PHACTR1: variants seen among roughly 807,000 people sequenced by gnomAD.
PHACTR1 encodes the protein phosphatase and actin regulator 1.
A neutral mutation model predicts 69.2 loss-of-function variants in PHACTR1; 16 were observed. That is an observed-to-expected ratio of 0.23 (90% CI 0.16 to 0.35). The LOEUF (loss-of-function observed/expected upper bound fraction) is 0.35, where lower values mean the gene tolerates loss of function less well. Ranked by LOEUF, PHACTR1 falls within the 10% of genes least tolerant of loss-of-function variation. The pLI, the probability that PHACTR1 is intolerant of heterozygous loss-of-function variation, is 1.00. For missense variants in PHACTR1, 510 were observed against 734.7 expected, an observed-to-expected ratio of 0.69 and a Z score of 3.54; for synonymous variants, 312 against 284.5, an observed-to-expected ratio of 1.10 and a Z score of -0.97.
chr6:13,025,616 C>G (rs539074982), intron 4 of PHACTR1, among the ~76,000 whole-genome samples: 1 of 150,776 alleles, frequency 6.6e-6, no homozygotes, highest in South Asian at 2.1e-4. Context: ...AAGACGACAT[C>G]TAATAGAATA....
intron 5 of PHACTR1, among the ~76,000 whole-genome samples, chr6:13,070,415 G>C (rs980346655): frequency 6.6e-6 from 1 of 152,174 alleles, no homozygotes; most frequent in African/African-American, 2.4e-5. Context: ...CAGCGCCCCA[G>C]CAGTCCTCTG....
chr6:12,771,054 G>T (rs1333560940), intron 4 of PHACTR1, among the ~76,000 whole-genome samples: 1 of 152,212 alleles, frequency 6.6e-6, no homozygotes, highest in Non-Finnish European at 1.5e-5. Flanking sequence ...GCTGGACAAG[G>T]CAGGGCCCCA....
intron 5 of PHACTR1, among the ~76,000 whole-genome samples, chr6:13,152,294 A>T (rs1019576992): frequency 6.6e-6 from 1 of 151,966 alleles, no homozygotes; most frequent in African/African-American, 2.4e-5. Context: ...AGATCGAGCC[A>T]TTGCACTCCA....
At chr6:12,959,424 A>G (rs1792396826) in intron 4 of PHACTR1, among the ~76,000 whole-genome samples, 1 of 152,014 alleles carries the variant, frequency 6.6e-6, no homozygotes, top group South Asian at 2.1e-4. Context: ...TGCTCAACAA[A>G]CAAAACTAAA....
At chr6:13,083,441 T>C (rs1405807277) in intron 5 of PHACTR1, among the ~76,000 whole-genome samples, 3 of 152,064 alleles carry the variant, frequency 2.0e-5, no homozygotes, top group Admixed American at 6.6e-5. Flanking sequence ...CTTTTTTGGT[T>C]CCATATGAAC....
chr6:12,754,104 A>C (rs1336537987), intron 4 of PHACTR1, among the ~76,000 whole-genome samples: 1 of 147,884 alleles, frequency 6.8e-6, no homozygotes, highest in Non-Finnish European at 1.5e-5. Flanking sequence ...CTGGGACTAC[A>C]GGCACCTGCC....
intron 4 of PHACTR1, among the ~76,000 whole-genome samples, chr6:12,870,582 A>G (rs1201357708): frequency 6.6e-6 from 1 of 152,242 alleles, no homozygotes; most frequent in African/African-American, 2.4e-5. Context: ...AGGCACATCT[A>G]TAATTGCACA....
At chr6:13,149,819 T>C (rs1460366130) in intron 5 of PHACTR1, among the ~76,000 whole-genome samples, 1 of 138,018 alleles carries the variant, frequency 7.2e-6, no homozygotes, top group Non-Finnish European at 1.5e-5. Flanking sequence ...AGTTACGAGA[T>C]TTTTTTTTGC....
At chr6:13,282,451 T>C (rs1780496242) in intron 12 of PHACTR1, among the ~76,000 whole-genome samples, 1 of 152,194 alleles carries the variant, frequency 6.6e-6, no homozygotes, top group African/African-American at 2.4e-5. Context: ...CCCTCATTCC[T>C]GCAGTCCTTC....
chr6:13,280,893 C>T, intron 12 of PHACTR1: 3 of 1,220,886 alleles, frequency 2.5e-6, no homozygotes, highest in Non-Finnish European at 3.2e-6. Context: ...AAAGGTGCGT[C>T]TTCTGAGCCT....
intron 5 of PHACTR1, among the ~76,000 whole-genome samples, chr6:13,121,965 A>G (rs1446635101): frequency 6.6e-6 from 1 of 152,250 alleles, no homozygotes; most frequent in Non-Finnish European, 1.5e-5. Context: ...ATATGCGTAT[A>G]TAAGTATGTA....
At chr6:13,169,607 G>A (rs1190235102) in intron 6 of PHACTR1, among the ~76,000 whole-genome samples, 1 of 152,130 alleles carries the variant, frequency 6.6e-6, no homozygotes, top group East Asian at 1.9e-4. Context: ...CATTATGGAA[G>A]CCAACACAAG....
intron 4 of PHACTR1, among the ~76,000 whole-genome samples, chr6:12,983,999 A>G (rs550585135): frequency 5.9e-5 from 9 of 152,330 alleles, no homozygotes; most frequent in South Asian, 2.1e-4. Flanking sequence ...TAGTGCTGCA[A>G]TAAACATACA....
Position 12,718,661 on chromosome 6 carries a change from C to T in PHACTR1, c.-46-38C>T, listed in dbSNP as rs1039938902. On this transcript the variant is annotated intron_variant, in intron 2 of 14. Coordinates refer to ENST00000332995, the MANE Select transcript of PHACTR1 (RefSeq NM_030948.6). ...ATCTATATATACACTTTATACTTGA[C>T]GTCTAAAATATTGTGGATTTTTTTT... 5.6e-5 allele frequency: 33 copies of T among 587,572 alleles called. No individual in the cohort carries two copies. In the Admixed American group the frequency reaches 6.2e-4, roughly 11 times the overall value. The allele number at this position is 587,572 out of a possible 1,614,324, so 36.4% of individuals were successfully genotyped here. A position where few individuals can be genotyped will look rare whatever the true frequency, so the allele number is the denominator to read the frequency against.
chr6:12,802,879 T>G (rs1400494602), intron 4 of PHACTR1, among the ~76,000 whole-genome samples: 1 of 152,198 alleles, frequency 6.6e-6, no homozygotes, highest in African/African-American at 2.4e-5. Context: ...TGACTGCAAG[T>G]TTTGAGTTTG....
chr6:13,097,616 A>G (rs1814485270), intron 5 of PHACTR1, among the ~76,000 whole-genome samples: 1 of 152,206 alleles, frequency 6.6e-6, no homozygotes, highest in Non-Finnish European at 1.5e-5. Context: ...AGCCTGTCAT[A>G]GAGCAGTTAA....
chr6:12,824,279 A>G (rs1020142413), intron 4 of PHACTR1, among the ~76,000 whole-genome samples: 34 of 152,342 alleles, frequency 2.2e-4, no homozygotes, highest in African/African-American at 8.2e-4. Flanking sequence ...CAAGAAAGCA[A>G]GCTCAGCGCC....
intron 4 of PHACTR1, among the ~76,000 whole-genome samples, chr6:12,836,328 T>A (rs754854897): frequency 6.6e-5 from 10 of 152,178 alleles, no homozygotes; most frequent in Non-Finnish European, 1.0e-4. Context: ...CTTTTTCCAT[T>A]GGGCAAGCAA....
At chr6:13,024,587 T>A (rs778167011) in intron 4 of PHACTR1, among the ~76,000 whole-genome samples, 5 of 152,214 alleles carry the variant, frequency 3.3e-5, no homozygotes, top group Non-Finnish European at 7.3e-5. Context: ...CTCATCATCC[T>A]CAAAATGATA....
Sources: allele counts gnomAD v4.1 joint callset (sites outside exome capture counted in the v4.1 genomes callset), GRCh38; gene constraint gnomAD v4.1.1; transcripts MANE v1.5; gene names NCBI Gene and HGNC (gene_info 2026-07-23, HGNC 2026-07-21).